Variants in PPME1 observed in about 807,000 individuals in gnomAD.
PPME1 encodes the protein testicular secretory protein Li 39.
In PPME1, 17 loss-of-function variants were observed where a neutral mutation model predicts 56.9. The observed-to-expected ratio is 0.30, with a 90% confidence interval of 0.20 to 0.45. The LOEUF (loss-of-function observed/expected upper bound fraction) is 0.45. Ranked by LOEUF, PPME1 falls within the 20% of genes least tolerant of loss-of-function variation. PPME1 has a pLI of 1.00. For missense variants in PPME1, 357 were observed against 483.2 expected (o/e 0.74, Z 2.45); for synonymous variants, 122 against 156.2 (o/e 0.78, Z 1.63).
chr11:74,237,068 G>A (rs560360377), intron 8 of PPME1, among the ~76,000 whole-genome samples: 2 of 150,802 alleles, frequency 1.3e-5, no homozygotes, highest in African/African-American at 4.8e-5. Flanking sequence ...ATTTCTTGAG[G>A]AAACCTTGTT....
intron 11 of PPME1, 98 bp downstream of exon 11, chr11:74,247,221 T>A (rs569337275): frequency 8.8e-7 from 1 of 1,142,408 alleles, no homozygotes; most frequent in African/African-American, 1.6e-5. Flanking sequence ...GGAGAAAGCA[T>A]GAGCTTTAGA....
chr11:74,175,709 T>C (rs1212134278), intron 1 of PPME1, among the ~76,000 whole-genome samples: 1 of 152,156 alleles, frequency 6.6e-6, no homozygotes, highest in African/African-American at 2.4e-5. Context: ...GGATACATGC[T>C]AGCATGCCCA....
chr11:74,201,776 G>T (rs954743671), intron 1 of PPME1, among the ~76,000 whole-genome samples: 1 of 152,132 alleles, frequency 6.6e-6, no homozygotes, highest in African/African-American at 2.4e-5. Flanking sequence ...TGATATCCTA[G>T]GTCCAGATAT....
At chr11:74,224,695 T>C (rs1296944573) in intron 4 of PPME1, among the ~76,000 whole-genome samples, 41 of 145,030 alleles carry the variant, frequency 2.8e-4, no homozygotes, top group African/African-American at 9.8e-4. Flanking sequence ...TATTTTATTC[T>C]CTTTGAAGCA....
intron 4 of PPME1, among the ~76,000 whole-genome samples, chr11:74,224,535 A>G (rs1446615061): frequency 3.0e-5 from 4 of 133,370 alleles, no homozygotes; most frequent in Non-Finnish European, 4.6e-5. Flanking sequence ...TACCTTGGGC[A>G]GTATGGCCAT....
chr11:74,214,824 A>G (rs1391474751), intron 3 of PPME1, among the ~76,000 whole-genome samples: 2 of 152,250 alleles, frequency 1.3e-5, no homozygotes, highest in Non-Finnish European at 2.9e-5. Flanking sequence ...GAAATGCTAA[A>G]GGTAGTTCTT....
chr11:74,251,828 G>A (rs1859675156), intron 13 of PPME1, 113 bp downstream of exon 13: 1 of 1,321,818 alleles, frequency 7.6e-7, no homozygotes, highest in Non-Finnish European at 1.1e-6. Context: ...TGGTCACCAT[G>A]CCTTTCTTCC....
rs1345039884 is a variant in PPME1 at position 74,203,819 on chromosome 11, G to C, written c.193G>C (p.Asp65His). ...DVEVENETGKDTFRVYKSGSE... is the reference protein window; with the variant it reads ...DVEVENETGKHTFRVYKSGSE... ...AGAAGTAGAGAATGAAACTGGCAAGGATATATCCTTTGCAAAATGGCTTAT... is the reference window on the plus strand; with the variant it reads ...AGAAGTAGAGAATGAAACTGGCAAGCATATATCCTTTGCAAAATGGCTTAT... Residue 65 changes from aspartate (D) to histidine (H), a missense_variant and splice_region_variant, in exon 2 of 14, where the codon GAT becomes CAT. Physicochemically the swap from Asp to His is moderately conservative, Grantham distance 81. This residue lies in a region of PPME1 where 175 missense variants were observed against 189.4 expected (regional missense o/e 0.92). Coordinates refer to ENST00000328257, the MANE Select transcript of PPME1 (RefSeq NM_016147.3). The C allele has an allele frequency of 1.2e-6, 2 of 1,601,088 alleles. No individual in the cohort carries two copies. The highest frequency in any genetic ancestry group is 1.1e-5 in the South Asian group (1 of 89,026).
chr11:74,219,769 G>T (rs1455928090), intron 3 of PPME1, among the ~76,000 whole-genome samples: 1 of 152,004 alleles, frequency 6.6e-6, no homozygotes, highest in Admixed American at 6.6e-5. Flanking sequence ...GGAGGTGGGA[G>T]GTGGAGGATA....
chr11:74,251,678 C>T lies in PPME1; in HGVS notation c.1105C>T (p.Arg369Trp), dbSNP rs777709827. The T allele has an allele frequency of 8.7e-6, 14 of 1,613,748 alleles. No homozygotes were observed. The highest frequency in any genetic ancestry group is 1.3e-5 in the African/African-American group (1 of 74,920). Residue 369 changes from arginine (R) to tryptophan (W), a missense_variant, in exon 13 of 14, where the codon CGG becomes TGG. This residue lies in a region of PPME1 where 182 missense variants were observed against 293.8 expected (regional missense o/e 0.62). Transcript: ENST00000328257. ...TGAAGCTGTTGCCACTTTCCTGATC[C>T]GGCACAGGTTTGCAGAACCCATCGG... ...VAEAVATFLIRHRFAEPIGGF... is the reference protein window; with the variant it reads ...VAEAVATFLIWHRFAEPIGGF...
intron 1 of PPME1, among the ~76,000 whole-genome samples, chr11:74,196,654 A>AGTG (rs56081045): frequency 0.78 from 117,682 of 151,752 alleles, 46,002 homozygotes; most frequent in African/African-American, 0.87. Flanking sequence ...AAGAAAGTAA[A>AGTG]GTGAAAGAAC....
At chr11:74,193,363 T>G (rs78446101) in intron 1 of PPME1, among the ~76,000 whole-genome samples, 15,146 of 152,236 alleles carry the variant, frequency 0.099, 2,086 homozygotes, top group African/African-American at 0.31. Context: ...TGTTTAAAAT[T>G]ACCTCCAGGC....
intron 1 of PPME1, among the ~76,000 whole-genome samples, chr11:74,178,340 C>T (rs1591012035): frequency 6.6e-6 from 1 of 152,204 alleles, no homozygotes; most frequent in African/African-American, 2.4e-5. Flanking sequence ...TTGTCCAGAA[C>T]TGTTCACATA....
intron 1 of PPME1, among the ~76,000 whole-genome samples, chr11:74,195,457 C>T (rs2135610042): frequency 6.6e-6 from 1 of 152,298 alleles, no homozygotes; most frequent in South Asian, 2.1e-4. Flanking sequence ...TTTATTTTCA[C>T]TGCTATGCTA....
intron 1 of PPME1, among the ~76,000 whole-genome samples, chr11:74,180,093 A>G (rs1205488548): frequency 6.6e-6 from 1 of 152,172 alleles, no homozygotes; most frequent in Non-Finnish European, 1.5e-5. Flanking sequence ...TTTCTTGGTT[A>G]TTGTTCTCTA....
chr11:74,208,118 C>A (rs1858374340), intron 3 of PPME1, among the ~76,000 whole-genome samples: 1 of 152,028 alleles, frequency 6.6e-6, no homozygotes, highest in Admixed American at 6.6e-5. Context: ...TCGAGACAAT[C>A]CTGGCCAACA....
chr11:74,206,007 TA>T (rs1370335648), intron 3 of PPME1: 1 of 152,212 alleles, frequency 6.6e-6, no homozygotes, highest in Non-Finnish European at 1.5e-5. Context: ...CTAATCAATA[TA>T]AAAATTATTA....
intron 8 of PPME1, 150 bp from the exon 9 acceptor site, chr11:74,238,983 C>T: frequency 1.3e-6 from 1 of 774,654 alleles, no homozygotes. Context: ...TTTTCCACAG[C>T]CCTGGAAATG....
intron 1 of PPME1, among the ~76,000 whole-genome samples, chr11:74,190,458 C>G (rs758857929): frequency 1.3e-5 from 2 of 152,186 alleles, no homozygotes; most frequent in Non-Finnish European, 2.9e-5. Flanking sequence ...TACCTTCCAC[C>G]GTGATTGTAA....
Sources: gnomAD v4.1 joint callset for allele counts (sites outside exome capture counted in the v4.1 genomes callset) on GRCh38, gnomAD v4.1.1 for gene constraint, gnomAD v4.1.1 regional missense constraint, MANE v1.5 for transcripts, NCBI Gene and HGNC (gene_info 2026-07-23, HGNC 2026-07-21) for gene names.